The following ZNG1B variants were observed in gnomAD, a reference collection of about 807,000 sequenced individuals.
The protein encoded by ZNG1B is Zn regulated GTPase metalloprotein activator 1B.
chr2:113,454,008 T>A, the ZNG1B span, among the ~76,000 whole-genome samples: 1 of 152,128 alleles, frequency 6.6e-6, no homozygotes, highest in Non-Finnish European at 1.5e-5. Flanking sequence ...TCTCCCTTTC[T>A]CTTTCCCTTT....
chr2:113,483,241 C>T, the ZNG1B span, among the ~76,000 whole-genome samples: 1,513 of 150,862 alleles, frequency 0.01, no homozygotes, highest in Admixed American at 0.02. Context: ...GCAAACGCAG[C>T]GCTCACTTTC....
the ZNG1B span, among the ~76,000 whole-genome samples, chr2:113,456,285 C>T: frequency 6.6e-6 from 1 of 152,128 alleles, no homozygotes; most frequent in South Asian, 2.1e-4. Context: ...AGAAAAATTC[C>T]AATGACTGTT....
At chr2:113,469,317 A>G in the ZNG1B span, 1 of 149,776 alleles carries the variant, frequency 6.7e-6, no homozygotes, top group Non-Finnish European at 1.5e-5. Context: ...TAATTTTTGT[A>G]TTTTTAGTAG....
At chr2:113,448,325 A>G in the ZNG1B span, among the ~76,000 whole-genome samples, 7 of 152,112 alleles carry the variant, frequency 4.6e-5, no homozygotes, top group Non-Finnish European at 1.5e-5. Flanking sequence ...GTAGATCTCA[A>G]TGGTGGGCTT....
At chr2:113,468,074 G>A in the ZNG1B span, among the ~76,000 whole-genome samples, 2 of 151,738 alleles carry the variant, frequency 1.3e-5, no homozygotes, top group African/African-American at 2.4e-5. Flanking sequence ...GCAACAGGTC[G>A]GGTAGTGGTG....
chr2:113,450,155 T>C, the ZNG1B span, among the ~76,000 whole-genome samples: 4 of 151,538 alleles, frequency 2.6e-5, no homozygotes, highest in East Asian at 1.9e-4. Context: ...GTGTCACTTA[T>C]AATCATTTTT....
At chr2:113,455,973 C>T in the ZNG1B span, among the ~76,000 whole-genome samples, 1 of 151,460 alleles carries the variant, frequency 6.6e-6, no homozygotes, top group Non-Finnish European at 1.5e-5. Context: ...CCGCCTCGGC[C>T]TCCCAAAGTG....
the ZNG1B span, chr2:113,466,881 T>G: frequency 1.6e-5 from 14 of 896,116 alleles, no homozygotes; most frequent in South Asian, 1.5e-4. Flanking sequence ...TGGCTAACAC[T>G]GTGAAACCCC....
the ZNG1B span, chr2:113,468,888 C>G: frequency 6.6e-6 from 1 of 151,726 alleles, no homozygotes; most frequent in East Asian, 1.9e-4. Flanking sequence ...TTGTACAGGT[C>G]TAATATTGAT....
the ZNG1B span, among the ~76,000 whole-genome samples, chr2:113,477,940 T>C: frequency 1.3e-5 from 2 of 152,362 alleles, no homozygotes; most frequent in Middle Eastern, 3.4e-3. Context: ...GACTGGTTTA[T>C]TTCACGTAGC....
chr2:113,455,918 A>G, the ZNG1B span, among the ~76,000 whole-genome samples: 1 of 147,194 alleles, frequency 6.8e-6, no homozygotes, highest in South Asian at 2.2e-4. Context: ...GGATTTTACC[A>G]TGTTGACCAG....
chr2:113,460,625 A>G, the ZNG1B span: 19 of 1,553,050 alleles, frequency 1.2e-5, no homozygotes, highest in Non-Finnish European at 1.7e-5. Context: ...TTGACATTAG[A>G]TTTTTTATTG....
chr2:113,443,190 G>T, the ZNG1B span, among the ~76,000 whole-genome samples: 1 of 151,944 alleles, frequency 6.6e-6, no homozygotes, highest in African/African-American at 2.4e-5. Context: ...GGATGGTCTC[G>T]ATCTCCTGAC....
At chr2:113,438,102 G>A in the ZNG1B span, 1 of 1,607,378 alleles carries the variant, frequency 6.2e-7, no homozygotes, top group Non-Finnish European at 8.5e-7. Flanking sequence ...CTCTTCTCCT[G>A]AGGCATTGGG....
the ZNG1B span, among the ~76,000 whole-genome samples, chr2:113,457,543 TG>T: frequency 6.8e-6 from 1 of 147,388 alleles, no homozygotes; most frequent in Non-Finnish European, 1.5e-5. Flanking sequence ...TCTTTATTTC[TG>T]CAGAAAAGGA....
chr2:113,484,960 C>T, the ZNG1B span, among the ~76,000 whole-genome samples: 3 of 151,868 alleles, frequency 2.0e-5, no homozygotes, highest in Non-Finnish European at 2.9e-5. Context: ...CCACTGTGCC[C>T]GGCCTCAATG....
At chr2:113,453,702 G>A in the ZNG1B span, among the ~76,000 whole-genome samples, 2 of 150,230 alleles carry the variant, frequency 1.3e-5, no homozygotes, top group Admixed American at 1.3e-4. Context: ...AGACAGTGGT[G>A]GAACTCGATG....
At chr2:113,458,383 A>T in the ZNG1B span, among the ~76,000 whole-genome samples, 1 of 152,078 alleles carries the variant, frequency 6.6e-6, no homozygotes, top group Admixed American at 6.6e-5. Context: ...TGGCTTTCCT[A>T]TGGGCATAGA....
chr2:113,441,597 G>A, the ZNG1B span: 1 of 468,230 alleles, frequency 2.1e-6, no homozygotes. Flanking sequence ...ATTTATATGG[G>A]TTGAGATACT....
Sources: gnomAD v4.1 joint callset for allele counts (sites outside exome capture counted in the v4.1 genomes callset) on GRCh38, gnomAD v4.1.1 for gene constraint, MANE v1.5 for transcripts, NCBI Gene and HGNC (gene_info 2026-07-23, HGNC 2026-07-21) for gene names.